BMS1: variants seen among roughly 807,000 people sequenced by gnomAD.
BMS1 encodes the protein BMS1 ribosome biogenesis factor.
A neutral mutation model predicts 138.7 loss-of-function variants in BMS1; 53 were observed. The ratio of observed to expected loss-of-function variants is 0.38; its 90% confidence interval spans 0.31 to 0.48. The LOEUF is 0.48. Among genes scored for constraint, BMS1 ranks in the 20% least tolerant of loss-of-function variants. The pLI is 0.97. For synonymous variants in BMS1, 504 were observed against 539.9 expected (o/e 0.93, Z 0.92); for missense variants, 1,360 against 1,565.5 (o/e 0.87, Z 2.22).
In BMS1 at chr10:42,802,416, C is replaced by T. The variant is rs111498407; in HGVS notation, c.2329+198C>T. 1.9e-3 allele frequency among the ~76,000 whole-genome samples: 295 copies of T among 152,182 alleles called. 1 individual carries two copies. The highest frequency in any genetic ancestry group is 6.7e-3 in the African/African-American group (279 of 41,520). On this transcript the variant is annotated intron_variant, in intron 13 of 22. Coordinates refer to ENST00000374518, the MANE Select transcript of BMS1 (RefSeq NM_014753.4). The stretch of plus-strand genomic sequence containing the variant: ...ATTTTCTCAGTTGGCTGATTTACTG[C>T]GTATGGACTTTAAAAGTGAGAAACT...
chr10:42,820,537 G>A lies in BMS1; in HGVS notation c.2799G>A (p.Lys933=), dbSNP rs970364738. Residue 933 remains lysine, a synonymous_variant, in exon 17 of 23, where the codon AAG becomes AAA. Transcript: ENST00000374518. ...QMRLKKHRWY[K]KILKSRDPII... is the part of the protein sequence containing the mutation. ...GTCTGAAGAAACATCGCTGGTATAA[G>A]AAAATCCTCAAGTCCCGAGATCCAA... The A allele has an allele frequency of 6.2e-7, 1 of 1,610,528 alleles. No homozygotes were observed. Among genetic ancestry groups the A allele is most frequent in the Non-Finnish European group, 8.5e-7 (1 of 1,179,442 alleles).
rs1438440723 is a variant in BMS1 at position 42,797,230 on chromosome 10, A to G, written c.1986A>G (p.Ser662=). ...KEENNDSKET[S]GALKWKEDLS... ...AAAATAATGATTCCAAAGAAACGTC[A>G]GGTAAGCTTAAATGTAGTTGGTTGC... is the stretch of plus-strand genomic sequence containing the variant. The change falls in exon 10 of 23, where the codon TCA becomes TCG. Residue 662 remains serine, a splice_region_variant and synonymous_variant. Transcript: ENST00000374518. 6 of 1,601,828 alleles carry G rather than the reference A, an allele frequency of 3.7e-6. No homozygotes were observed. The highest frequency in any genetic ancestry group is 5.1e-6 in the Non-Finnish European group (6 of 1,174,716).
intron 9 of BMS1, among the ~76,000 whole-genome samples, chr10:42,794,761 CTTCT>C (rs772562749): frequency 1.5e-3 from 226 of 145,914 alleles, no homozygotes; most frequent in Non-Finnish European, 2.2e-3. Flanking sequence ...TTATCATTTC[CTTCT>C]TTTTTTTTTT....
Position 42,793,922 on chromosome 10 carries a change from T to C in BMS1, c.1160T>C (p.Met387Thr), listed in dbSNP as rs1166547867. 3 of 1,611,978 alleles carry C rather than the reference T, an allele frequency of 1.9e-6. No individual in the cohort carries two copies. Among genetic ancestry groups the C allele is most frequent in the Admixed American group, 1.7e-5 (1 of 60,002 alleles). Residue 387 changes from methionine (M) to threonine (T), a missense_variant, in exon 9 of 23, where the codon ATG (methionine) becomes ACG (threonine). Physicochemically the swap from Met to Thr is moderately conservative, Grantham distance 81. This residue lies in a region of BMS1 where 697 missense variants were observed against 686.2 expected (regional missense o/e 1.02). Transcript: ENST00000374518. ...ISTHSTIDAKMASSRVTLFSD... is the reference protein window; with the variant it reads ...ISTHSTIDAKTASSRVTLFSD... ...ACCCACTCCACCATTGATGCCAAGATGGCTTCAAGTCGAGTGACGCTGTTT... is the reference window on the plus strand; with the variant it reads ...ACCCACTCCACCATTGATGCCAAGACGGCTTCAAGTCGAGTGACGCTGTTT...
At chr10:42,812,914 G>C (rs1249659851) in intron 13 of BMS1, among the ~76,000 whole-genome samples, 1 of 152,220 alleles carries the variant, frequency 6.6e-6, no homozygotes, top group African/African-American at 2.4e-5. Flanking sequence ...AGCCTTTGCT[G>C]CTGGGTGGCG....
chr10:42,790,596 G>A, intron 5 of BMS1, 85 bp downstream of exon 5: 15 of 1,415,750 alleles, frequency 1.1e-5, no homozygotes, highest in Non-Finnish European at 1.3e-5. Flanking sequence ...GCTAACACCT[G>A]TAATCCCAGC....
At chr10:42,792,812 G>T (rs1372335051) in intron 7 of BMS1, 145 bp from the exon 8 acceptor site, 4 of 1,269,472 alleles carry the variant, frequency 3.2e-6, no homozygotes, top group Non-Finnish European at 4.3e-6. Context: ...TAGCTAGGGG[G>T]CCACTGTTCC....
intron 13 of BMS1, among the ~76,000 whole-genome samples, chr10:42,809,075 C>T (rs1588735296): frequency 2.0e-5 from 3 of 152,240 alleles, no homozygotes; most frequent in East Asian, 1.9e-4. Flanking sequence ...TTGCATTAAA[C>T]CTATAGATCA....
chr10:42,802,314 C>CT, intron 13 of BMS1, 96 bp downstream of exon 13: 1 of 1,061,288 alleles, frequency 9.4e-7, no homozygotes. Flanking sequence ...ATAATAGTCA[C>CT]TTGTCAAATG....
Position 42,820,660 on chromosome 10 carries a change from G to A in BMS1, c.2922G>A (p.Gln974=), listed in dbSNP as rs150208436. 4.9e-5 allele frequency: 79 copies of A among 1,611,886 alleles called. No homozygotes were observed. Among genetic ancestry groups the A allele is most frequent in the Non-Finnish European group, 6.5e-5 (77 of 1,179,858 alleles). The change falls in exon 17 of 23, where the codon CAG becomes CAA. Residue 974 remains glutamine, a synonymous_variant. Transcript: ENST00000374518. ...AAAGGCTTCTAAAGTATACCCCACA[G>A]CACATGCATTGCGGAGCAGCCTTTT... ...GRQRLLKYTP[Q]HMHCGAAFWG... is the part of the protein sequence containing the mutation.
intron 13 of BMS1, among the ~76,000 whole-genome samples, chr10:42,812,822 A>G (rs937436566): frequency 6.6e-6 from 1 of 152,216 alleles, no homozygotes; most frequent in Non-Finnish European, 1.5e-5. Context: ...GAATAAATTC[A>G]TGGGCTGGCA....
chr10:42,814,227 C>T (rs1365477387), intron 13 of BMS1, among the ~76,000 whole-genome samples: 2 of 152,094 alleles, frequency 1.3e-5, no homozygotes, highest in Non-Finnish European at 2.9e-5. Flanking sequence ...AACATAAATG[C>T]GGGGTCTTTT....
At chr10:42,806,226 T>C (rs1356556690) in intron 13 of BMS1, among the ~76,000 whole-genome samples, 2 of 152,192 alleles carry the variant, frequency 1.3e-5, no homozygotes, top group African/African-American at 4.8e-5. Flanking sequence ...GTTCCCCCAG[T>C]TTCTGTGCAG....
chr10:42,801,642 T>C (rs1021149440), intron 12 of BMS1, among the ~76,000 whole-genome samples: 1 of 152,260 alleles, frequency 6.6e-6, no homozygotes. Flanking sequence ...TTTGTACATA[T>C]TCTTCATATT....
chr10:42,789,574 A>G (rs1841440406), intron 4 of BMS1, among the ~76,000 whole-genome samples: 1 of 145,852 alleles, frequency 6.9e-6, no homozygotes, highest in Non-Finnish European at 1.5e-5. Flanking sequence ...ATAGACTACC[A>G]TTCATCGTAA....
In BMS1 at chr10:42,790,557, A is replaced by G. The variant is rs749186422; in HGVS notation, c.636+46A>G. ...TGGATACTAACAGTATAATCCTTTT[A>G]AAATAGACTGAAGAGGCCGGGTGCA... On this transcript the variant is annotated intron_variant, in intron 5 of 22. Transcript: ENST00000374518. The G allele has an allele frequency of 5.6e-6, 9 of 1,596,794 alleles. No individual in the cohort carries two copies. In the East Asian group the frequency reaches 6.7e-5, roughly 12 times the overall value.
intron 9 of BMS1, among the ~76,000 whole-genome samples, chr10:42,795,866 C>A (rs1485318136): frequency 6.6e-6 from 1 of 152,126 alleles, no homozygotes; most frequent in Non-Finnish European, 1.5e-5. Flanking sequence ...AAAGAGCTTT[C>A]TCTTCTCCCC....
chr10:42,785,446 T>C, intron 2 of BMS1, 36 bp from the exon 3 acceptor site: 1 of 1,536,214 alleles, frequency 6.5e-7, no homozygotes. Context: ...AAAATGAGTT[T>C]ACTATTTATT....
rs71505643 is a variant in BMS1 at position 42,786,619 on chromosome 10, T to A, written c.368-549T>A. Among the ~76,000 whole-genome samples the A allele has an allele frequency of 4.3e-3, 648 of 151,842 alleles. 5 individuals carry two copies. Among genetic ancestry groups the A allele is most frequent in the South Asian group, 0.026 (125 of 4,774 alleles). Reference sequence around the variant, plus strand: ...TTTTTTTTTTCTGTAGAGATGGGGTTTCCCCATATGGCCCAGGCTGGTCTC... The same window carrying A: ...TTTTTTTTTTCTGTAGAGATGGGGTATCCCCATATGGCCCAGGCTGGTCTC... On this transcript the variant is annotated intron_variant, in intron 3 of 22. Transcript: ENST00000374518.
Sources: gnomAD v4.1 joint callset for allele counts (sites outside exome capture counted in the v4.1 genomes callset) on GRCh38, gnomAD v4.1.1 for gene constraint, gnomAD v4.1.1 regional missense constraint, MANE v1.5 for transcripts, NCBI Gene and HGNC (gene_info 2026-07-23, HGNC 2026-07-21) for gene names.